CNTNAP2: variants seen among roughly 807,000 people sequenced by gnomAD.
CNTNAP2 encodes contactin associated protein 2.
Under a neutral mutation model 155.2 loss-of-function variants are expected in CNTNAP2, and 98 were observed. The ratio of observed to expected loss-of-function variants is 0.63; its 90% CI spans 0.54 to 0.75. The LOEUF is 0.75. CNTNAP2 is among the 30% of genes least tolerant of loss of function. The probability of loss-of-function intolerance (pLI) is 0.00; values close to 1 mark genes in which losing one functional copy is unlikely to be tolerated. For missense variants in CNTNAP2, 1,727 were observed against 1,688.1 expected, an observed-to-expected ratio of 1.02 and a Z score of -0.40; for synonymous variants, 651 against 631.2, an observed-to-expected ratio of 1.03 and a Z score of -0.47.
intron 1 of CNTNAP2, among the ~76,000 whole-genome samples, chr7:146,379,808 G>A (rs925250808): frequency 2.0e-5 from 3 of 151,908 alleles, no homozygotes; most frequent in African/African-American, 7.3e-5. Context: ...CACGTCCTGA[G>A]ATTTTAAATA....
intron 1 of CNTNAP2, among the ~76,000 whole-genome samples, chr7:146,269,766 C>T (rs1016739728): frequency 2.6e-5 from 4 of 152,180 alleles, no homozygotes; most frequent in Middle Eastern, 3.2e-3. Context: ...CACTTTCCAG[C>T]GGTTGCACTG....
At chr7:147,648,931 G>A (rs567406725) in intron 13 of CNTNAP2, among the ~76,000 whole-genome samples, 33 of 152,324 alleles carry the variant, frequency 2.2e-4, no homozygotes, top group African/African-American at 7.2e-4. Flanking sequence ...ACCAAAGTGA[G>A]TATAGAACTA....
At chr7:147,309,294 TAAAAGC>T (rs1251023706) in intron 9 of CNTNAP2, among the ~76,000 whole-genome samples, 3 of 152,210 alleles carry the variant, frequency 2.0e-5, no homozygotes, top group Non-Finnish European at 4.4e-5. Context: ...AATTTAGTAT[TAAAAGC>T]AAAAGCCAAC....
chr7:147,527,077 C>A lies in CNTNAP2; in HGVS notation c.1778-35061C>A, dbSNP rs577555270. On this transcript the variant is annotated intron_variant, in intron 11 of 23. Transcript: ENST00000361727. Reference sequence around the variant, plus strand: ...TTTCTCTGTCACCTGGGCTGGAGTGCAGTGGTGTGATCTCGGCTCACTGCA... The same window carrying A: ...TTTCTCTGTCACCTGGGCTGGAGTGAAGTGGTGTGATCTCGGCTCACTGCA... Among the ~76,000 whole-genome samples, 3 of 120,314 alleles carry A rather than the reference C, an allele frequency of 2.5e-5. No individual in the cohort carries two copies. In the East Asian group the frequency reaches 7.6e-4, roughly 31 times the overall value. The allele number at this position is 120,314 out of a possible 152,430, so 78.9% of individuals were successfully genotyped here.
chr7:146,262,484 G>T (rs1423044258), intron 1 of CNTNAP2, among the ~76,000 whole-genome samples: 3 of 152,076 alleles, frequency 2.0e-5, no homozygotes, highest in Non-Finnish European at 4.4e-5. Context: ...GATACAGAAA[G>T]AAATATTTCT....
rs948833581 is a variant in CNTNAP2, at chr7:147,662,710, T to C, written c.2098+23404T>C. Among the ~76,000 whole-genome samples, 7 of 152,164 alleles carry C rather than the reference T, an allele frequency of 4.6e-5. No homozygotes were observed. In the East Asian group the frequency reaches 1.4e-3, roughly 29 times the overall value. On this transcript the variant is annotated intron_variant, in intron 13 of 23. Transcript: ENST00000361727. The stretch of plus-strand genomic sequence containing the variant: ...CATTATTTCTGTGTCTTCCATTCCT[T>C]TGGGCTAGTACACTTATTAAATTAG...
intron 4 of CNTNAP2, among the ~76,000 whole-genome samples, chr7:147,051,473 T>C (rs961041617): frequency 6.6e-6 from 1 of 151,954 alleles, no homozygotes. Context: ...AGTTAATAGT[T>C]TAAATACTCT....
intron 8 of CNTNAP2, among the ~76,000 whole-genome samples, chr7:147,144,563 T>G (rs1366164556): frequency 6.6e-6 from 1 of 152,208 alleles, no homozygotes; most frequent in Non-Finnish European, 1.5e-5. Flanking sequence ...CAAAATCTAC[T>G]GTATCCTATT....
chr7:146,291,619 T>C (rs1800430622), intron 1 of CNTNAP2, among the ~76,000 whole-genome samples: 1 of 152,150 alleles, frequency 6.6e-6, no homozygotes, highest in Admixed American at 6.5e-5. Flanking sequence ...TCTCAACACC[T>C]GCTTAAGTAC....
intron 9 of CNTNAP2, among the ~76,000 whole-genome samples, chr7:147,367,800 A>T (rs929998521): frequency 2.6e-5 from 4 of 152,078 alleles, no homozygotes; most frequent in African/African-American, 7.2e-5. Flanking sequence ...TATCATTTTT[A>T]AAAAATTTTA....
chr7:147,989,581 C>T (rs1307520828), intron 15 of CNTNAP2, among the ~76,000 whole-genome samples: 1 of 152,188 alleles, frequency 6.6e-6, no homozygotes, highest in Non-Finnish European at 1.5e-5. Flanking sequence ...TCCCTGTACC[C>T]TTGACTTCAT....
intron 3 of CNTNAP2, among the ~76,000 whole-genome samples, chr7:146,919,653 G>T (rs1351440971): frequency 6.6e-6 from 1 of 152,158 alleles, no homozygotes; most frequent in Non-Finnish European, 1.5e-5. Context: ...CTCTGGTTTT[G>T]CTTTTGCTCG....
At chr7:147,690,659 G>C (rs915608449) in intron 13 of CNTNAP2, among the ~76,000 whole-genome samples, 3 of 152,048 alleles carry the variant, frequency 2.0e-5, no homozygotes, top group Non-Finnish European at 4.4e-5. Flanking sequence ...GGACTGTTGG[G>C]GTGGGAGGCA....
At chr7:147,795,093 C>A (rs1797872270) in intron 13 of CNTNAP2, among the ~76,000 whole-genome samples, 1 of 151,410 alleles carries the variant, frequency 6.6e-6, no homozygotes, top group African/African-American at 2.4e-5. Context: ...TGTATATCTC[C>A]ACTCTAGCTT....
chr7:148,189,085 C>T (rs775803369), intron 18 of CNTNAP2, among the ~76,000 whole-genome samples: 23 of 152,146 alleles, frequency 1.5e-4, no homozygotes, highest in African/African-American at 4.8e-4. Flanking sequence ...TTAGGCTTTT[C>T]ACGTACAAAG....
chr7:147,765,524 A>G (rs1193092204), intron 13 of CNTNAP2, among the ~76,000 whole-genome samples: 1 of 152,210 alleles, frequency 6.6e-6, no homozygotes, highest in East Asian at 1.9e-4. Context: ...TTTGAAAACC[A>G]CAGTGATATA....
chr7:147,415,790 C>T (rs948770571), intron 10 of CNTNAP2, among the ~76,000 whole-genome samples: 1 of 152,110 alleles, frequency 6.6e-6, no homozygotes, highest in African/African-American at 2.4e-5. Flanking sequence ...TATCATTTGC[C>T]GTTAAACCGG....
chr7:147,264,705 A>G (rs750016269), intron 8 of CNTNAP2, among the ~76,000 whole-genome samples: 6 of 151,624 alleles, frequency 4.0e-5, no homozygotes, highest in Admixed American at 6.6e-5. Context: ...AGCAGCCACA[A>G]TAACACCAAG....
intron 15 of CNTNAP2, among the ~76,000 whole-genome samples, chr7:148,058,673 G>A (rs1803070069): frequency 6.6e-6 from 1 of 152,140 alleles, no homozygotes; most frequent in African/African-American, 2.4e-5. Context: ...GGGCTGCAGA[G>A]GGGCTGGCAG....
Sources: gnomAD v4.1 joint callset for allele counts (sites outside exome capture counted in the v4.1 genomes callset) on GRCh38, gnomAD v4.1.1 for gene constraint, MANE v1.5 for transcripts, NCBI Gene and HGNC (gene_info 2026-07-23, HGNC 2026-07-21) for gene names.